The following ACTA2 variants were observed in gnomAD, a reference collection of about 807,000 sequenced individuals.
The protein encoded by ACTA2 is actin, aortic smooth muscle.
A neutral mutation model predicts 39.5 loss-of-function variants in ACTA2; 12 were observed. The observed-to-expected ratio is 0.30, with a 90% CI of 0.19 to 0.49. The LOEUF (loss-of-function observed/expected upper bound fraction) is 0.49. Among genes scored for constraint, ACTA2 ranks in the 20% least tolerant of loss-of-function variants. ACTA2 has a pLI of 0.99. For missense variants in ACTA2, 236 were observed against 498.8 expected (o/e 0.47, Z 5.02); for synonymous variants, 158 against 180.6 (o/e 0.88, Z 1.00).
chr10:88,945,014 A>G (rs545539235), intron 3 of ACTA2, among the ~76,000 whole-genome samples: 1 of 152,336 alleles, frequency 6.6e-6, no homozygotes, highest in Admixed American at 6.5e-5. Flanking sequence ...AAGGGAAATG[A>G]AACTTCTGAA....
chr10:88,959,935 T>G (rs1305315333), intron 1 of ACTA2, among the ~76,000 whole-genome samples: 1 of 152,198 alleles, frequency 6.6e-6, no homozygotes, highest in East Asian at 1.9e-4. Flanking sequence ...AATCACATGT[T>G]TTTGAGAAAA....
At position 88,935,324 on chromosome 10, in the gene ACTA2, C is replaced by T; in HGVS notation, c.1033G>A (p.Gly345Ser). The T allele has an allele frequency of 6.2e-7, 1 of 1,613,920 alleles. No homozygotes were observed. Among genetic ancestry groups the T allele is most frequent in the Non-Finnish European group, 8.5e-7 (1 of 1,179,868 alleles). ...GTGGACAGAGAGGCCAGGATGGAGCCACCGATCCAGACAGAGTATTTGCGC... is the reference window on the plus strand; with the variant it reads ...GTGGACAGAGAGGCCAGGATGGAGCTACCGATCCAGACAGAGTATTTGCGC... ...PERKYSVWIG[G>S]SILASLSTFQ... is the part of the protein sequence containing the mutation. Residue 345 changes from glycine (G) to serine (S), a missense_variant, in exon 9 of 9, where the codon GGC becomes AGC. By Grantham distance (56) the Gly-to-Ser change is moderately conservative (BLOSUM62 0). Coordinates refer to ENST00000224784, the MANE Select transcript of ACTA2 (RefSeq NM_001613.4).
chr10:88,967,218 C>A (rs1320287824), intron 1 of ACTA2, among the ~76,000 whole-genome samples: 4 of 152,144 alleles, frequency 2.6e-5, no homozygotes, highest in Admixed American at 2.6e-4. Context: ...GCTCCCAGTT[C>A]TTTAAACCTG....
chr10:88,988,861 G>C (rs1564667343), intron 1 of ACTA2, among the ~76,000 whole-genome samples: 1 of 152,094 alleles, frequency 6.6e-6, no homozygotes, highest in Non-Finnish European at 1.5e-5. Context: ...GATTCAGAAA[G>C]TTTTCAAATT....
At chr10:88,977,692 C>T (rs1430732285) in intron 1 of ACTA2, among the ~76,000 whole-genome samples, 1 of 150,728 alleles carries the variant, frequency 6.6e-6, no homozygotes, top group East Asian at 1.9e-4. Context: ...ATGAAAACCA[C>T]AATGAGATAC....
intron 8 of ACTA2, 100 bp from the exon 9 acceptor site, chr10:88,935,466 C>T (rs1009054226): frequency 1.2e-5 from 17 of 1,396,126 alleles, no homozygotes; most frequent in African/African-American, 4.3e-5. Context: ...GGCCTAGTTT[C>T]TTGTTCAGCA....
chr10:88,964,627 A>C (rs1265689732), intron 1 of ACTA2, among the ~76,000 whole-genome samples: 1 of 152,240 alleles, frequency 6.6e-6, no homozygotes, highest in East Asian at 1.9e-4. Context: ...CTTTTAAGCA[A>C]ATAGGGGTAG....
rs1279042100 is a variant in ACTA2 at position 88,942,223 on chromosome 10, G to T, written c.370-354C>A. The stretch of plus-strand genomic sequence containing the variant: ...GCTTTATTCCAGGTCTCTTAACAGA[G>T]GAGGAGTTTGGACTAAATGAGATCT... On this transcript the variant is annotated intron_variant, in intron 4 of 8. Transcript: ENST00000224784. Among the ~76,000 whole-genome samples the T allele has an allele frequency of 2.0e-5, 3 of 152,168 alleles. No individual in the cohort carries two copies. The East Asian group carries it at 5.8e-4, about 29-fold the overall frequency.
chr10:88,957,272 T>A (rs550114501), upstream of ACTA2, among the ~76,000 whole-genome samples: 2 of 152,324 alleles, frequency 1.3e-5, no homozygotes, highest in South Asian at 4.1e-4. Context: ...CTTCAAGAAC[T>A]TTATTGCATT....
At chr10:88,952,635 C>T (rs916203076) in intron 1 of ACTA2, 96 bp downstream of exon 1, 1 of 152,226 alleles carries the variant, frequency 6.6e-6, no homozygotes, top group African/African-American at 2.4e-5. Flanking sequence ...AGTGCATGAA[C>T]CCAGCCAAAT....
chr10:88,953,658 G>A (rs568983346), upstream of ACTA2, among the ~76,000 whole-genome samples: 13 of 152,202 alleles, frequency 8.5e-5, no homozygotes, highest in South Asian at 4.2e-4. Context: ...CCCAAATCTC[G>A]TCTCGAATTC....
At chr10:88,944,792 C>T (rs958981810) in intron 3 of ACTA2, among the ~76,000 whole-genome samples, 4 of 152,118 alleles carry the variant, frequency 2.6e-5, no homozygotes, top group Middle Eastern at 3.4e-3. Flanking sequence ...TCCTAGATGC[C>T]GAAAAGAACA....
In ACTA2 at chr10:88,977,412, A is replaced by T. The variant is rs534047016; in HGVS notation, c.-24+13527T>A. Among the ~76,000 whole-genome samples the T allele has an allele frequency of 6.3e-4, 96 of 151,870 alleles. 1 individual carries two copies. In the South Asian group the frequency reaches 0.016, roughly 25 times the overall value. On this transcript the variant is annotated intron_variant, in intron 1 of 4. Coordinates refer to the ACTA2 transcript ENST00000415557. ...GCCAGTTTTCCCAGCACCATTTATT[A>T]AATAGGGAATCCTTTCCCCATTGCT...
At chr10:88,951,106 G>C (rs1846042026) in intron 1 of ACTA2, among the ~76,000 whole-genome samples, 1 of 152,018 alleles carries the variant, frequency 6.6e-6, no homozygotes, top group South Asian at 2.1e-4. Flanking sequence ...TCCAGATGCT[G>C]AATTATTTTG....
chr10:88,978,531 GC>G (rs1471766618), intron 1 of ACTA2, among the ~76,000 whole-genome samples: 2 of 152,218 alleles, frequency 1.3e-5, no homozygotes, highest in African/African-American at 4.8e-5. Flanking sequence ...CATCACCCCT[GC>G]TCTGACCTGT....
intron 1 of ACTA2, among the ~76,000 whole-genome samples, chr10:88,962,174 C>A (rs2091153903): frequency 6.6e-6 from 1 of 152,124 alleles, no homozygotes; most frequent in South Asian, 2.1e-4. Context: ...CCAGATCTTC[C>A]ACTTTTTATG....
intron 1 of ACTA2, among the ~76,000 whole-genome samples, chr10:88,970,626 C>T (rs567545892): frequency 6.6e-6 from 1 of 152,238 alleles, no homozygotes; most frequent in Non-Finnish European, 1.5e-5. Context: ...CCCCATTTAT[C>T]CTTACAATAG....
intron 8 of ACTA2, among the ~76,000 whole-genome samples, chr10:88,937,497 T>C (rs1259266507): frequency 3.9e-5 from 6 of 152,170 alleles, no homozygotes; most frequent in Admixed American, 3.9e-4. Context: ...CATACAGGGG[T>C]CCTGGGTGGC....
upstream of ACTA2, among the ~76,000 whole-genome samples, chr10:88,953,921 C>T (rs886797426): frequency 4.6e-5 from 7 of 152,140 alleles, no homozygotes; most frequent in African/African-American, 1.7e-4. Context: ...GTAAATTAAA[C>T]CTCTTTTCTT....
Sources: gnomAD v4.1 joint callset for allele counts (sites outside exome capture counted in the v4.1 genomes callset) on GRCh38, gnomAD v4.1.1 for gene constraint, MANE v1.5 for transcripts, NCBI Gene and HGNC (gene_info 2026-07-23, HGNC 2026-07-21) for gene names.